ASTN2: variants seen among roughly 807,000 people sequenced by gnomAD.
ASTN2 encodes astrotactin 2.
In ASTN2, 54 loss-of-function variants were observed where a neutral mutation model predicts 139.8. The ratio of observed to expected loss-of-function variants is 0.39; its 90% CI spans 0.31 to 0.48. The LOEUF is 0.48. Among genes scored for constraint, ASTN2 ranks in the 20% least tolerant of loss-of-function variants. The pLI, the probability that ASTN2 is intolerant of heterozygous loss-of-function variation, is 0.95. For synonymous variants in ASTN2, 756 were observed against 719.5 expected (o/e 1.05, Z -0.81); for missense variants, 1,565 against 1,725.1 (o/e 0.91, Z 1.64).
At chr9:117,006,630 T>G (rs1012782519) in intron 7 of ASTN2, among the ~76,000 whole-genome samples, 1 of 152,110 alleles carries the variant, frequency 6.6e-6, no homozygotes, top group East Asian at 1.9e-4. Flanking sequence ...CAAATGCAGG[T>G]CATAGCATGT....
rs1248184149 is a variant in ASTN2, at chr9:116,686,722, CAG to C, written c.2807-34931_2807-34930del. 4.5e-6 allele frequency: 7 copies of C among 1,550,586 alleles called. No individual in the cohort carries two copies. In the East Asian group the frequency reaches 1.7e-4, roughly 38 times the overall value. ...CTTCAGTCTGCAGGGACAGGGGCTG[CAG>C]AGTGTACTCCCCAAGTCTGCCTCTG... On this transcript the variant is annotated intron_variant, in intron 16 of 22. Transcript: ENST00000313400.
At chr9:117,117,870 G>A (rs1009565399) in intron 4 of ASTN2, among the ~76,000 whole-genome samples, 1 of 152,014 alleles carries the variant, frequency 6.6e-6, no homozygotes, top group Non-Finnish European at 1.5e-5. Flanking sequence ...TCATTCCCAG[G>A]GTGAACTTCG....
chr9:117,065,499 A>T (rs983147456), intron 5 of ASTN2, among the ~76,000 whole-genome samples: 2 of 152,128 alleles, frequency 1.3e-5, no homozygotes, highest in African/African-American at 4.8e-5. Flanking sequence ...GTATATCTCC[A>T]TCAAGTTCAT....
chr9:117,092,920 G>A (rs1279136818), intron 5 of ASTN2, among the ~76,000 whole-genome samples: 1 of 152,138 alleles, frequency 6.6e-6, no homozygotes. Context: ...AGCCAAAGGG[G>A]ACAACAGAAC....
At chr9:116,977,788 C>T (rs977528122) in intron 7 of ASTN2, among the ~76,000 whole-genome samples, 6 of 148,376 alleles carry the variant, frequency 4.0e-5, no homozygotes, top group Non-Finnish European at 5.9e-5. Flanking sequence ...GTGATCTCGG[C>T]TCACTGCAAC....
chr9:117,334,385 A>G (rs1399654971), intron 1 of ASTN2, among the ~76,000 whole-genome samples: 1 of 152,078 alleles, frequency 6.6e-6, no homozygotes, highest in Non-Finnish European at 1.5e-5. Context: ...AGACTAGGAT[A>G]CATCAGCCAC....
intron 5 of ASTN2, among the ~76,000 whole-genome samples, chr9:117,055,188 G>A (rs548384065): frequency 1.6e-4 from 24 of 152,338 alleles, no homozygotes; most frequent in Non-Finnish European, 2.8e-4. Context: ...GTGCAAACCT[G>A]AAACACATCT....
intron 19 of ASTN2, among the ~76,000 whole-genome samples, chr9:116,557,929 A>G (rs969437060): frequency 1.1e-4 from 16 of 152,212 alleles, no homozygotes; most frequent in Non-Finnish European, 4.4e-5. Flanking sequence ...CCCAGTTCTA[A>G]GAGACTGTAA....
chr9:117,116,832 G>A (rs1364599283), intron 4 of ASTN2, among the ~76,000 whole-genome samples: 1 of 13,916 alleles, frequency 7.2e-5, no homozygotes, highest in Non-Finnish European at 1.2e-4. Context: ...TCTGGCATGA[G>A]CCAAAAAAAA....
chr9:116,664,736 A>G (rs1858763359), intron 16 of ASTN2, among the ~76,000 whole-genome samples: 1 of 152,040 alleles, frequency 6.6e-6, no homozygotes, highest in Admixed American at 6.6e-5. Context: ...GAAAATAACA[A>G]TTTAGAGTGG....
chr9:116,865,777 A>G (rs573287316), intron 10 of ASTN2, among the ~76,000 whole-genome samples: 1 of 152,260 alleles, frequency 6.6e-6, no homozygotes, highest in South Asian at 2.1e-4. Flanking sequence ...ACCTCTCTCA[A>G]TCCCAAATCA....
chr9:117,119,811 C>T (rs1239768368), intron 4 of ASTN2, among the ~76,000 whole-genome samples: 2 of 151,542 alleles, frequency 1.3e-5, no homozygotes, highest in Non-Finnish European at 2.9e-5. Context: ...CGCATGTTAT[C>T]CTGAATTTCA....
intron 2 of ASTN2, among the ~76,000 whole-genome samples, chr9:117,237,445 T>A (rs1833078724): frequency 6.6e-6 from 1 of 152,000 alleles, no homozygotes. Flanking sequence ...CACCTTAGAA[T>A]TTTTGTGTAT....
At chr9:116,601,528 T>C (rs1854899388) in intron 19 of ASTN2, among the ~76,000 whole-genome samples, 1 of 152,064 alleles carries the variant, frequency 6.6e-6, no homozygotes, top group African/African-American at 2.4e-5. Context: ...AGATGTTGAG[T>C]GGCTTAGATT....
chr9:117,284,395 G>A (rs779023395), intron 2 of ASTN2, among the ~76,000 whole-genome samples: 61 of 152,306 alleles, frequency 4.0e-4, no homozygotes, highest in Non-Finnish European at 7.4e-4. Flanking sequence ...TTCAGCCACC[G>A]CACCTGGCCT....
intron 7 of ASTN2, among the ~76,000 whole-genome samples, chr9:116,981,498 C>A (rs1836512225): frequency 6.6e-6 from 1 of 152,206 alleles, no homozygotes; most frequent in Non-Finnish European, 1.5e-5. Flanking sequence ...TCAGCTAGTT[C>A]AAACTTTCCC....
intron 2 of ASTN2, among the ~76,000 whole-genome samples, chr9:117,238,336 G>C (rs1242646365): frequency 6.6e-6 from 1 of 152,150 alleles, no homozygotes; most frequent in African/African-American, 2.4e-5. Flanking sequence ...ATAGGTAACC[G>C]AGACAGAATT....
At chr9:116,680,735 A>T (rs1859803354) in intron 16 of ASTN2, among the ~76,000 whole-genome samples, 2 of 152,238 alleles carry the variant, frequency 1.3e-5, no homozygotes, top group South Asian at 2.1e-4. Flanking sequence ...CAAATCAATA[A>T]ATGCAATCCA....
chr9:117,097,670 T>C (rs1166145191), intron 4 of ASTN2, among the ~76,000 whole-genome samples: 2 of 152,210 alleles, frequency 1.3e-5, no homozygotes, highest in African/African-American at 4.8e-5. Context: ...TTTGCATCTT[T>C]TCAATCAAGC....
Sources: allele counts gnomAD v4.1 joint callset (sites outside exome capture counted in the v4.1 genomes callset), GRCh38; gene constraint gnomAD v4.1.1; transcripts MANE v1.5; gene names NCBI Gene and HGNC (gene_info 2026-07-23, HGNC 2026-07-21).